Variants in FBN3 observed in about 807,000 individuals in gnomAD.
The protein encoded by FBN3 is fibrillin-3.
A neutral mutation model predicts 330.1 loss-of-function variants in FBN3; 234 were observed. The ratio of observed to expected loss-of-function variants is 0.71; its 90% confidence interval spans 0.64 to 0.79. The LOEUF is 0.79. Ranked by LOEUF, FBN3 falls within the 30% of genes least tolerant of loss-of-function variation. FBN3 has a pLI of 0.00. For synonymous variants in FBN3, 1,458 were observed against 1,517.3 expected, an observed-to-expected ratio of 0.96 and a Z score of 0.91; for missense variants, 3,606 against 3,886.9, an observed-to-expected ratio of 0.93 and a Z score of 1.92.
intron 63 of FBN3, 111 bp from the exon 64 acceptor site, chr19:8,066,371 T>G: frequency 1.3e-6 from 1 of 786,408 alleles, no homozygotes. Flanking sequence ...ATCTCTAAAG[T>G]GAAGGAAAGA....
rs778540421 is a variant in FBN3, at chr19:8,129,237, C to T, written c.2170+3G>A. The stretch of plus-strand genomic sequence containing the variant: ...ACATCCGCCCGCCAGGTGGCATGCT[C>T]ACCTGTGCAGTCCTTGCCTGAGGCA... On this transcript the variant is annotated splice_donor_region_variant and intron_variant, in intron 17 of 63. Coordinates refer to ENST00000600128, the MANE Select transcript of FBN3 (RefSeq NM_032447.5). This position sits in a 1 kb window ranked among gnomAD's most constrained non-coding sequence, Gnocchi z 4.5. 1 of 1,613,948 alleles carries T rather than the reference C, an allele frequency of 6.2e-7. No homozygotes were observed. Among genetic ancestry groups the T allele is most frequent in the Non-Finnish European group, 8.5e-7 (1 of 1,179,938 alleles).
chr19:8,117,624 C>A, intron 26 of FBN3, 35 bp from the exon 27 acceptor site: 1 of 1,498,128 alleles, frequency 6.7e-7, no homozygotes. Flanking sequence ...CGGGCCTGTG[C>A]CCCATCTGCC....
chr19:8,126,539 G>T lies in FBN3; in HGVS notation c.2483C>A (p.Ala828Asp). The change falls in exon 20 of 64, where the codon GCC (alanine) becomes GAC (aspartate). Residue 828 changes from alanine to aspartate, a missense_variant. By Grantham distance (126) the Ala-to-Asp change is moderately radical (BLOSUM62 -2). Transcript: ENST00000600128. Reference protein sequence around the residue: ...ESRCEVNLQGASLRSECCATL... With the variant: ...ESRCEVNLQGDSLRSECCATL... ...GGCGCAGCACTCAGACCGCAGGCTG[G>T]CTCCCTGAAGGTTCACCTCACAGCG... is the stretch of plus-strand genomic sequence containing the variant. 6.2e-7 allele frequency: 1 copy of T among 1,612,930 alleles called. No homozygotes were observed. The highest frequency in any genetic ancestry group is 8.5e-7 in the Non-Finnish European group (1 of 1,179,936).
At position 8,075,129 on chromosome 19, in the gene FBN3, G is replaced by A; in HGVS notation, c.7644C>T (p.Gly2548=). ...AACCCTGGGGGCAGCTGCAGCGGTA[G>A]CCCCCTAGCTGGTTCTGACAGCCAT... ...CQHGCQNQLG[G]YRCSCPQGFT... Residue 2548 remains glycine (G), a synonymous_variant, in exon 61 of 64, where the codon GGC becomes GGT. Coordinates refer to ENST00000600128, the MANE Select transcript of FBN3 (RefSeq NM_032447.5). 2 of 1,586,762 alleles carry A rather than the reference G, an allele frequency of 1.3e-6. No individual in the cohort carries two copies. Among genetic ancestry groups the A allele is most frequent in the African/African-American group, 1.3e-5 (1 of 74,302 alleles).
rs971535304 is a variant in FBN3 at position 8,065,674 on chromosome 19, G to T, written c.*245C>A. The T allele has an allele frequency of 5.9e-6, 3 of 512,196 alleles. No individual in the cohort carries two copies. In the Admixed American group the frequency reaches 1.1e-4, roughly 19 times the overall value. The allele number at this position is 512,196 out of a possible 1,614,324, so 31.7% of individuals were successfully genotyped here. A position where few individuals can be genotyped will look rare whatever the true frequency, so the allele number is the denominator to read the frequency against. ...GGCCTCTTCCTGACCTTGGCTGTGG[G>T]GGCAGGGGGATTGCACATTGCAGCT... is the stretch of plus-strand genomic sequence containing the variant. On this transcript the variant is annotated 3_prime_UTR_variant, in exon 64 of 64. Coordinates refer to ENST00000600128, the MANE Select transcript of FBN3 (RefSeq NM_032447.5).
At chr19:8,084,158 C>T (rs1039751238) in intron 56 of FBN3, among the ~76,000 whole-genome samples, 2 of 152,156 alleles carry the variant, frequency 1.3e-5, no homozygotes, top group Non-Finnish European at 2.9e-5. Flanking sequence ...CTATCAGTGA[C>T]ACACTCAGTG....
chr19:8,109,502 C>A lies in FBN3; in HGVS notation c.4457-114G>T, dbSNP rs1030639983. ...CAAGGACAACCACTCTTGCAGGAGACCAGCAGATGTCCCGTTTGTCAGGAG... is the reference window on the plus strand; with the variant it reads ...CAAGGACAACCACTCTTGCAGGAGAACAGCAGATGTCCCGTTTGTCAGGAG... On this transcript the variant is annotated intron_variant, in intron 35 of 63. Transcript: ENST00000600128. This position sits in a 1 kb window ranked among gnomAD's most constrained non-coding sequence, Gnocchi z 5.2. 3.9e-6 allele frequency: 6 copies of A among 1,534,114 alleles called. No homozygotes were observed. In the Admixed American group the frequency reaches 1.1e-4, roughly 27 times the overall value.
At chr19:8,083,606 C>T (rs947981764) in intron 56 of FBN3, among the ~76,000 whole-genome samples, 2 of 151,978 alleles carry the variant, frequency 1.3e-5, no homozygotes, top group Non-Finnish European at 2.9e-5. Flanking sequence ...CCCACCCCTC[C>T]CCAGCCTCAA....
chr19:8,104,764 A>G (rs996097347), intron 38 of FBN3, among the ~76,000 whole-genome samples: 1 of 152,204 alleles, frequency 6.6e-6, no homozygotes, highest in Admixed American at 6.5e-5. Flanking sequence ...TGATTATTCA[A>G]TCTGCCAATG....
At chr19:8,095,254 TA>T (rs1169331462) in intron 46 of FBN3, 120 bp downstream of exon 46, 72 of 982,992 alleles carry the variant, frequency 7.3e-5, no homozygotes, top group East Asian at 2.7e-4. Context: ...TTTTTTTTTT[TA>T]AATCTTAAAA....
chr19:8,133,869 G>A (rs958696301), intron 13 of FBN3, among the ~76,000 whole-genome samples: 5 of 151,946 alleles, frequency 3.3e-5, no homozygotes, highest in Admixed American at 2.6e-4. Context: ...AGGTGGCAGG[G>A]GCAGAAATGA....
At chr19:8,066,908 C>T (rs1159092875) in intron 63 of FBN3, among the ~76,000 whole-genome samples, 1 of 151,804 alleles carries the variant, frequency 6.6e-6, no homozygotes, top group Non-Finnish European at 1.5e-5. Flanking sequence ...AAAAGGAAAA[C>T]TACCTATTGG....
rs200005579 is a variant in FBN3 at position 8,089,600 on chromosome 19, G to C, written c.6321C>G (p.Phe2107Leu). Residue 2107 changes from phenylalanine (F) to leucine (L), a missense_variant, in exon 51 of 64, where the codon TTC (phenylalanine) becomes TTG (leucine). Transcript: ENST00000600128. The part of the protein sequence containing the change: ...NGVCVNTDGS[F>L]RCECPFGYSL... ...TGTAGCCAAAGGGACACTCACAGCGGAAGGATCCATCGGTGTTGACACAGA... is the reference window on the plus strand; with the variant it reads ...TGTAGCCAAAGGGACACTCACAGCGCAAGGATCCATCGGTGTTGACACAGA... 6.2e-7 allele frequency: 1 copy of C among 1,614,216 alleles called. No homozygotes were observed. Among genetic ancestry groups the C allele is most frequent in the East Asian group, 2.2e-5 (1 of 44,880 alleles).
chr19:8,110,970 G>A lies in FBN3; in HGVS notation c.4211-3C>T. On this transcript the variant is annotated splice_region_variant and splice_polypyrimidine_tract_variant and intron_variant, in intron 33 of 63. Transcript: ENST00000600128. ...CCCTTGCGCACACTCGTCCACATCT[G>A]CGGGGACCCTGGGTCAGCCTGCCCC... 6.2e-7 allele frequency: 1 copy of A among 1,614,216 alleles called. No individual in the cohort carries two copies. Among genetic ancestry groups the A allele is most frequent in the Non-Finnish European group, 8.5e-7 (1 of 1,180,038 alleles).
In FBN3 at chr19:8,090,100, G is replaced by A. The variant is rs56194853; in HGVS notation, c.6183C>T (p.Ser2061=). The A allele has an allele frequency of 0.027, 43,256 of 1,613,118 alleles. 3,749 individuals are homozygous for A. Among genetic ancestry groups the A allele is most frequent in the South Asian group, 0.21 (19,366 of 91,030 alleles). ...DPCELCPQEG[S]AAFQELCPFG... ...GCCTGGACAGGGGTGGGCACTCACC[G>A]CTGCCCTCCTGGGGACACAGTTCGC... The change falls in exon 49 of 64, where the codon AGC becomes AGT. Residue 2061 remains serine, a splice_region_variant and synonymous_variant. Coordinates refer to ENST00000600128, the MANE Select transcript of FBN3 (RefSeq NM_032447.5).
rs750436026 is a variant in FBN3 at position 8,141,928 on chromosome 19, C to G, written c.739+12G>C. 1.2e-6 allele frequency: 2 copies of G among 1,614,094 alleles called. No individual in the cohort carries two copies. Among genetic ancestry groups the G allele is most frequent in the South Asian group, 2.2e-5 (2 of 91,082 alleles). On this transcript the variant is annotated intron_variant, in intron 7 of 63. Transcript: ENST00000600128. ...CTAAGGCCTCCCACTCAGCCCTGAC[C>G]CCACTATTCACCTTGGCAGGCCCCC...
Position 8,138,219 on chromosome 19 carries a change from G to A in FBN3, c.1123C>T (p.Leu375Phe), listed in dbSNP as rs1330878649. 1.9e-6 allele frequency: 3 copies of A among 1,612,324 alleles called. No homozygotes were observed. Among genetic ancestry groups the A allele is most frequent in the East Asian group, 2.2e-5 (1 of 44,892 alleles). The change falls in exon 10 of 64, where the codon CTT (leucine) becomes TTT (phenylalanine). Residue 375 changes from leucine (L) to phenylalanine (F), a missense_variant. Transcript: ENST00000600128. Reference protein sequence around the residue: ...GFGSNGMGPPLGPARLNPHGS... With the variant: ...GFGSNGMGPPFGPARLNPHGS... ...TGGGGGTTGAGTCGCGCTGGCCCAA[G>A]AGGGGGACCCATGCCATTGGATCCG... is the stretch of plus-strand genomic sequence containing the variant.
At chr19:8,143,042 C>CATTAG (rs2083449624) in intron 6 of FBN3, among the ~76,000 whole-genome samples, 1 of 152,102 alleles carries the variant, frequency 6.6e-6, no homozygotes. Flanking sequence ...ACATTAGGCA[C>CATTAG]CCAGATGCCT....
intron 46 of FBN3, 22 bp downstream of exon 46, chr19:8,095,353 C>T (rs776038083): frequency 1.7e-5 from 28 of 1,606,898 alleles, no homozygotes; most frequent in Admixed American, 6.7e-5. Context: ...GAGATGCCTC[C>T]GAGCACCATA....
Sources: gnomAD v4.1 joint callset for allele counts (sites outside exome capture counted in the v4.1 genomes callset) on GRCh38, gnomAD v4.1.1 for gene constraint, Gnocchi (gnomAD v3.1) non-coding constraint, MANE v1.5 for transcripts, NCBI Gene and HGNC (gene_info 2026-07-23, HGNC 2026-07-21) for gene names.